MIA3: variants seen among roughly 807,000 people sequenced by gnomAD.
MIA3 encodes MIA SH3 domain ER export factor 3.
Under a neutral mutation model 192.4 loss-of-function variants are expected in MIA3, and 90 were observed. That is an observed-to-expected ratio of 0.47 (90% CI 0.39 to 0.56). The LOEUF is 0.56. Ranked by LOEUF, MIA3 falls within the 20% of genes least tolerant of loss-of-function variation. The probability of loss-of-function intolerance (pLI) is 0.00; values close to 1 mark genes in which losing one functional copy is unlikely to be tolerated. For missense variants in MIA3, 2,123 were observed against 2,269.4 expected (o/e 0.94, Z 1.31); for synonymous variants, 740 against 792.8 (o/e 0.93, Z 1.12).
chr1:222,634,572 G>A (rs1558180754), intron 6 of MIA3, among the ~76,000 whole-genome samples: 1 of 152,124 alleles, frequency 6.6e-6, no homozygotes, highest in African/African-American at 2.4e-5. Flanking sequence ...ATGTCTAGAA[G>A]CTTATCTAGG....
chr1:222,624,753 C>A lies in MIA3; in HGVS notation c.268-15C>A. The A allele has an allele frequency of 7.7e-7, 1 of 1,305,130 alleles. No individual in the cohort carries two copies. Among genetic ancestry groups the A allele is most frequent in the African/African-American group, 1.5e-5 (1 of 68,964 alleles). The allele number at this position is 1,305,130 out of a possible 1,614,324, so 80.8% of individuals were successfully genotyped here. ...TTGATTGATATGTGTCCCTTTTGCC[C>A]ATTCTTTTGTGTAGGTTGGACGCAC... is the stretch of plus-strand genomic sequence containing the variant. On this transcript the variant is annotated splice_polypyrimidine_tract_variant and intron_variant, in intron 2 of 27. Transcript: ENST00000344922.
chr1:222,625,070 C>T (rs953069681), intron 3 of MIA3, among the ~76,000 whole-genome samples: 7 of 150,796 alleles, frequency 4.6e-5, no homozygotes, highest in Admixed American at 1.3e-4. Flanking sequence ...AGTGGAGTGG[C>T]GTGATCTCGG....
intron 1 of MIA3, among the ~76,000 whole-genome samples, chr1:222,619,757 A>G (rs1661775003): frequency 6.6e-6 from 1 of 152,240 alleles, no homozygotes; most frequent in Non-Finnish European, 1.5e-5. Flanking sequence ...TCACGGTTGT[A>G]ACATAACTTG....
rs757452874 is a variant in MIA3 at position 222,629,453 on chromosome 1, A to G, written c.2233A>G (p.Lys745Glu). ...TATAAATGCAAAACGGTCTAAAGAA[A>G]AAAACCCTGGGAATCAGGGCAGGCA... ...NAINAKRSKE[K>E]NPGNQGRQFD... Residue 745 changes from lysine (K) to glutamate (E), a missense_variant, in exon 4 of 28, where the codon AAA (lysine) becomes GAA (glutamate). By Grantham distance (56) the Lys-to-Glu change is moderately conservative. This residue lies in a region of MIA3 where 1,357 missense variants were observed against 1,396.1 expected (regional missense o/e 0.97). Coordinates refer to ENST00000344922, the MANE Select transcript of MIA3 (RefSeq NM_198551.4). 14 of 1,614,048 alleles carry G rather than the reference A, an allele frequency of 8.7e-6. No individual in the cohort carries two copies. Among genetic ancestry groups the G allele is most frequent in the African/African-American group, 4.0e-5 (3 of 74,920 alleles).
At chr1:222,642,329 A>G (rs530024238) in intron 6 of MIA3, among the ~76,000 whole-genome samples, 8 of 152,360 alleles carry the variant, frequency 5.3e-5, no homozygotes, top group African/African-American at 1.9e-4. Context: ...AGATAAAAGT[A>G]GTAGTCTCTA....
rs771865444 is a variant in MIA3 at position 222,660,027 on chromosome 1, A to G, written c.4975+21A>G. ...GAGAGGTAAGGGAGCTACCTTGTAA[A>G]GGGCAACAATCTGTTTTTTGATGTA... On this transcript the variant is annotated intron_variant, in intron 23 of 27. Transcript: ENST00000344922. 6.3e-6 allele frequency: 10 copies of G among 1,598,420 alleles called. No homozygotes were observed. The African/African-American group carries it at 1.2e-4, about 19-fold the overall frequency.
intron 1 of MIA3, among the ~76,000 whole-genome samples, chr1:222,619,088 G>T (rs909947570): frequency 2.6e-5 from 4 of 152,222 alleles, no homozygotes; most frequent in Admixed American, 6.5e-5. Context: ...TTGCTCTCCA[G>T]TCTGGGATTG....
Position 222,630,252 on chromosome 1 carries a change from T to A in MIA3, c.3032T>A (p.Ile1011Lys). 1 of 1,614,162 alleles carries A rather than the reference T, an allele frequency of 6.2e-7. No homozygotes were observed. The highest frequency in any genetic ancestry group is 1.1e-5 in the South Asian group (1 of 91,078). ...GATCTGGGAATGAACGAAAATAACA[T>A]ATTTGAAGAGGCTGCAGTGCTTGAT... ...NRDLGMNENN[I>K]FEEAAVLDDI... Residue 1011 changes from isoleucine to lysine, a missense_variant, in exon 4 of 28, where the codon ATA becomes AAA. Ile to Lys is a moderately radical substitution (Grantham distance 102, BLOSUM62 -3). Around this residue, in one of 3 missense-constraint regions of MIA3, gnomAD observed 1,357 missense variants for 1,396.1 expected, o/e 0.97. Coordinates refer to ENST00000344922, the MANE Select transcript of MIA3 (RefSeq NM_198551.4).
chr1:222,665,256 C>G, intron 27 of MIA3, 53 bp from the exon 28 acceptor site: 13 of 836,632 alleles, frequency 1.6e-5, no homozygotes, highest in Admixed American at 2.5e-5. Context: ...CTGGCATTAT[C>G]TTAATTTAAA....
chr1:222,665,224 A>T, intron 27 of MIA3, 85 bp from the exon 28 acceptor site: 156 of 676,256 alleles, frequency 2.3e-4, no homozygotes, highest in Middle Eastern at 3.7e-4. Context: ...AAAAAAAAGG[A>T]TGACAGACTA....
At position 222,618,174 on chromosome 1, in the gene MIA3, G is replaced by A; in HGVS notation, c.64G>A (p.Gly22Ser). ...GCTCCGGCTGCCCTGGCGGGTGCCGGGCCAGCTGGACCCCAGCACTGGCCG... is the reference window on the plus strand; with the variant it reads ...GCTCCGGCTGCCCTGGCGGGTGCCGAGCCAGCTGGACCCCAGCACTGGCCG... ...LVLRLPWRVP[G>S]QLDPSTGRRF... is the part of the protein sequence containing the mutation. The change falls in exon 1 of 28, where the codon GGC becomes AGC. Residue 22 changes from glycine to serine, a missense_variant. Physicochemically the swap from Gly to Ser is moderately conservative, Grantham distance 56. Transcript: ENST00000344922. The A allele has an allele frequency of 2.0e-6, 3 of 1,503,682 alleles. No individual in the cohort carries two copies. Among genetic ancestry groups the A allele is most frequent in the Admixed American group, 2.1e-5 (1 of 47,658 alleles). The allele number at this position is 1,503,682 out of a possible 1,614,324, so 93.1% of individuals were successfully genotyped here. A position where few individuals can be genotyped will look rare whatever the true frequency, so the allele number is the denominator to read the frequency against.
intron 11 of MIA3, among the ~76,000 whole-genome samples, chr1:222,651,228 C>CTTTTTT (rs1663416931): frequency 7.0e-6 from 1 of 143,318 alleles, no homozygotes. Context: ...TTTTTTTTTG[C>CTTTTTT]TATAAACATT....
In MIA3 at chr1:222,650,881, A is replaced by G; in HGVS notation, c.3887A>G (p.Gln1296Arg). 6.2e-7 allele frequency: 1 copy of G among 1,601,400 alleles called. No individual in the cohort carries two copies. The highest frequency in any genetic ancestry group is 8.5e-7 in the Non-Finnish European group (1 of 1,174,256). ...GTTATGCTAGAATCTGAGAGAGAAC[A>G]GAATGTCAAGAATCAGGACTTGGTA... The part of the protein sequence containing the change: ...LRVMLESERE[Q>R]NVKNQDLISE... The change falls in exon 11 of 28, where the codon CAG (glutamine) becomes CGG (arginine). Residue 1296 changes from glutamine (Q) to arginine (R), a missense_variant. Physicochemically the swap from Gln to Arg is conservative, Grantham distance 43. Coordinates refer to ENST00000344922, the MANE Select transcript of MIA3 (RefSeq NM_198551.4).
Position 222,653,351 on chromosome 1 carries a change from C to T in MIA3, c.4321+12C>T. The T allele has an allele frequency of 6.3e-7, 1 of 1,585,960 alleles. No homozygotes were observed. Among genetic ancestry groups the T allele is most frequent in the East Asian group, 2.2e-5 (1 of 44,714 alleles). ...TGGAGAAGTGGGAGGTAAGATCAGC[C>T]TCAAGGAGGATGGACCCCTTTTGCC... On this transcript the variant is annotated intron_variant, in intron 15 of 27. Coordinates refer to ENST00000344922, the MANE Select transcript of MIA3 (RefSeq NM_198551.4).
chr1:222,665,408 G>A lies in MIA3; in HGVS notation c.5513G>A (p.Gly1838Glu), dbSNP rs978488363. Residue 1838 changes from glycine (G) to glutamate (E), a missense_variant, in exon 28 of 28, where the codon GGA (glycine) becomes GAA (glutamate). By Grantham distance (98) the Gly-to-Glu change is moderately conservative (BLOSUM62 -2). Transcript: ENST00000344922. ...LPLHPRGFLP[G>E]HAPFRPLGSL... Reference sequence around the variant, plus strand: ...CTCCACCCTCGGGGATTTTTACCTGGACACGCACCATTTAGACCTTTAGGT... The same window carrying A: ...CTCCACCCTCGGGGATTTTTACCTGAACACGCACCATTTAGACCTTTAGGT... 5 of 1,613,832 alleles carry A rather than the reference G, an allele frequency of 3.1e-6. No individual in the cohort carries two copies. Among genetic ancestry groups the A allele is most frequent in the Non-Finnish European group, 4.2e-6 (5 of 1,179,980 alleles).
At position 222,654,767 on chromosome 1, in the gene MIA3, T is replaced by A; in HGVS notation, c.4581T>A (p.Tyr1527Ter). ...RQKVEILNEL[Y>*]QQKEMALQKK... ...AAGTGGAGATTCTGAATGAGCTCTA[T>A]CAGCAGAAGGAGATGGCTTTGCAAA... Residue 1527 changes from tyrosine (Y) to a stop codon, truncating the protein, a stop_gained, in exon 18 of 28, where the codon TAT (tyrosine) becomes TAA (stop). Transcript: ENST00000344922. LOFTEE classifies it high-confidence loss of function. The A allele has an allele frequency of 2.5e-6, 4 of 1,614,124 alleles. No individual in the cohort carries two copies. The highest frequency in any genetic ancestry group is 2.5e-6 in the Non-Finnish European group (3 of 1,179,976).
In MIA3 at chr1:222,664,148, G is replaced by A. The variant is rs1048388757; in HGVS notation, c.5413G>A (p.Gly1805Ser). 6.2e-7 allele frequency: 1 copy of A among 1,613,988 alleles called. No homozygotes were observed. Among genetic ancestry groups the A allele is most frequent in the Non-Finnish European group, 8.5e-7 (1 of 1,179,932 alleles). Residue 1805 changes from glycine to serine, a missense_variant and splice_region_variant, in exon 27 of 28, where the codon GGC becomes AGC. By Grantham distance (56) the Gly-to-Ser change is moderately conservative. Transcript: ENST00000344922. ...GCCTCGGCCACTTCCTCCACCCTTT[G>A]GTAAGATGATCTGAACAGTAGTAAT... ...FGPRPLPPPF[G>S]PGMRPPLGLR...
At chr1:222,630,652 T>C (rs1157415893) in intron 4 of MIA3, among the ~76,000 whole-genome samples, 2 of 152,200 alleles carry the variant, frequency 1.3e-5, no homozygotes, top group East Asian at 3.8e-4. Flanking sequence ...GAGAAAGATA[T>C]AAACCAGAAA....
At position 222,633,109 on chromosome 1, in the gene MIA3, G is replaced by T; in HGVS notation, c.3337G>T (p.Val1113Phe). The T allele has an allele frequency of 6.3e-7, 1 of 1,588,342 alleles. No individual in the cohort carries two copies. Residue 1113 changes from valine to phenylalanine, a missense_variant, in exon 6 of 28, where the codon GTT becomes TTT. Coordinates refer to ENST00000344922, the MANE Select transcript of MIA3 (RefSeq NM_198551.4). ...ATCTTTCCTCCCAATTCCAGGGCCA[G>T]TTACAACAGAAGACACTCCTATGGA... ...NTEKDLDPGP[V>F]TTEDTPMDAI... is the part of the protein sequence containing the mutation.
Sources: allele counts gnomAD v4.1 joint callset (sites outside exome capture counted in the v4.1 genomes callset), GRCh38; gene constraint gnomAD v4.1.1; regional missense constraint gnomAD v4.1.1; transcripts MANE v1.5; gene names NCBI Gene and HGNC (gene_info 2026-07-23, HGNC 2026-07-21).